ZC3HC1: variants seen among roughly 807,000 people sequenced by gnomAD.
ZC3HC1 encodes the protein zinc finger C3HC-type protein 1.
In ZC3HC1, 38 loss-of-function variants were observed where a neutral mutation model predicts 61.9. The observed-to-expected ratio is 0.61, with a 90% CI of 0.47 to 0.81. ZC3HC1 has a LOEUF of 0.81. Ranked by LOEUF, ZC3HC1 falls within the 30% of genes least tolerant of loss-of-function variation. ZC3HC1 has a pLI of 0.00. For missense variants in ZC3HC1, 554 were observed against 622.7 expected (o/e 0.89, Z 1.17); for synonymous variants, 213 against 229.9 (o/e 0.93, Z 0.67).
intron 4 of ZC3HC1, 25 bp from the exon 5 acceptor site, chr7:130,029,054 T>C: frequency 1.9e-6 from 3 of 1,605,350 alleles, no homozygotes; most frequent in Non-Finnish European, 2.6e-6. Context: ...AATTGGAAGA[T>C]TATATTGGTG....
chr7:130,028,440 G>A (rs1261446612), intron 5 of ZC3HC1, among the ~76,000 whole-genome samples: 4 of 152,058 alleles, frequency 2.6e-5, no homozygotes, highest in African/African-American at 9.7e-5. Context: ...TACTCAGGAG[G>A]CTGAGGCAGG....
chr7:130,031,606 G>A (rs1794197985), intron 4 of ZC3HC1, among the ~76,000 whole-genome samples: 1 of 152,130 alleles, frequency 6.6e-6, no homozygotes, highest in Non-Finnish European at 1.5e-5. Context: ...GTAACAAGCT[G>A]ACCAAAAACC....
At chr7:130,018,766 G>T (rs201109266) in intron 9 of ZC3HC1, 34 bp from the exon 10 acceptor site, 2 of 1,562,754 alleles carry the variant, frequency 1.3e-6, no homozygotes, top group African/African-American at 2.7e-5. Flanking sequence ...TAGTGATTAC[G>T]TTCTTTTATA....
At chr7:130,020,949 A>G (rs1039580043) in intron 9 of ZC3HC1, among the ~76,000 whole-genome samples, 1 of 151,918 alleles carries the variant, frequency 6.6e-6, no homozygotes, top group Non-Finnish European at 1.5e-5. Flanking sequence ...TCTGAAGCCC[A>G]GGCTGGAGCG....
At chr7:130,036,234 A>G (rs557866962) in intron 4 of ZC3HC1, among the ~76,000 whole-genome samples, 1 of 152,104 alleles carries the variant, frequency 6.6e-6, no homozygotes, top group South Asian at 2.1e-4. Context: ...AAGTCAAGGT[A>G]AGGCTGGGAG....
At chr7:130,033,445 CTTTTTTTTTTT>C (rs3043729) in intron 4 of ZC3HC1, among the ~76,000 whole-genome samples, 1 of 82,850 alleles carries the variant, frequency 1.2e-5, no homozygotes, top group Non-Finnish European at 2.3e-5. Context: ...CTATAGCATT[CTTTTTTTTTTT>C]TTTTTTTTTT....
chr7:130,028,559 A>T (rs957813275), intron 5 of ZC3HC1, among the ~76,000 whole-genome samples: 33 of 152,178 alleles, frequency 2.2e-4, no homozygotes, highest in Middle Eastern at 3.4e-3. Flanking sequence ...TAATAATAAT[A>T]ATTTAAGTAA....
chr7:130,040,926 A>C, intron 3 of ZC3HC1, 25 bp downstream of exon 3: 1 of 1,588,662 alleles, frequency 6.3e-7, no homozygotes, highest in South Asian at 1.2e-5. Context: ...TGTGGAGAAA[A>C]ATGTAATTTG....
chr7:130,032,519 G>T (rs1322742287), intron 4 of ZC3HC1, among the ~76,000 whole-genome samples: 2 of 151,404 alleles, frequency 1.3e-5, no homozygotes, highest in Non-Finnish European at 2.9e-5. Context: ...GGTGGCATAC[G>T]CCTGTAGTCA....
At chr7:130,048,087 G>T (rs1324086257) in intron 2 of ZC3HC1, among the ~76,000 whole-genome samples, 1 of 150,272 alleles carries the variant, frequency 6.7e-6, no homozygotes, top group Non-Finnish European at 1.5e-5. Flanking sequence ...ACAAGTAAAT[G>T]AATCCTGCCA....
intron 2 of ZC3HC1, among the ~76,000 whole-genome samples, chr7:130,046,773 C>T (rs997386249): frequency 6.6e-6 from 1 of 152,136 alleles, no homozygotes; most frequent in African/African-American, 2.4e-5. Flanking sequence ...CTTACTTTTT[C>T]ATTTGGGTAA....
In ZC3HC1 at chr7:130,033,743, C is replaced by T. The variant is rs530297690; in HGVS notation, c.494-4714G>A. ...TTGGGATTACAGGCGTGAGCCACCACGCCTGGCCTGTCTGTAGCATTCTTG... is the reference window on the plus strand; with the variant it reads ...TTGGGATTACAGGCGTGAGCCACCATGCCTGGCCTGTCTGTAGCATTCTTG... On this transcript the variant is annotated intron_variant, in intron 4 of 9. Transcript: ENST00000358303. Among the ~76,000 whole-genome samples, 378 of 152,052 alleles carry T rather than the reference C, an allele frequency of 2.5e-3. 1 individual carries two copies. Among genetic ancestry groups the T allele is most frequent in the African/African-American group, 8.5e-3 (353 of 41,490 alleles).
At chr7:130,038,785 C>T (rs34706862) in intron 4 of ZC3HC1, among the ~76,000 whole-genome samples, 75,927 of 146,570 alleles carry the variant, frequency 0.52, 22,706 homozygotes, top group East Asian at 0.96. Context: ...GCTTGAACCT[C>T]GGAGGTGGAG....
intron 4 of ZC3HC1, among the ~76,000 whole-genome samples, chr7:130,038,859 CAA>C (rs368582060): frequency 8.1e-5 from 7 of 86,552 alleles, no homozygotes; most frequent in African/African-American, 2.0e-4. Flanking sequence ...GGCTCTGTCT[CAA>C]AAAAAAAAAA....
intron 9 of ZC3HC1, 99 bp from the exon 10 acceptor site, chr7:130,018,831 G>T: frequency 9.3e-7 from 1 of 1,070,016 alleles, no homozygotes; most frequent in Non-Finnish European, 1.4e-6. Flanking sequence ...CTAGGACTAA[G>T]TAAAAATTCA....
chr7:130,042,248 A>C (rs1794707322), intron 2 of ZC3HC1, among the ~76,000 whole-genome samples: 1 of 151,514 alleles, frequency 6.6e-6, no homozygotes, highest in Non-Finnish European at 1.5e-5. Context: ...GGCCACAGTA[A>C]GATACGATCA....
chr7:130,039,556 C>A lies in ZC3HC1; in HGVS notation c.410-9G>T. ...AGCACATCGTTGCTTATCTGAAATC[C>A]ACATAAACAGCAACACCTTAAAAAA... is the stretch of plus-strand genomic sequence containing the variant. On this transcript the variant is annotated splice_polypyrimidine_tract_variant and intron_variant, in intron 3 of 9. Transcript: ENST00000358303. The A allele has an allele frequency of 6.2e-7, 1 of 1,604,634 alleles. No individual in the cohort carries two copies. Among genetic ancestry groups the A allele is most frequent in the Admixed American group, 1.7e-5 (1 of 57,458 alleles).
Position 130,026,322 on chromosome 7 carries a change from A to T in ZC3HC1, c.622-10T>A. On this transcript the variant is annotated splice_polypyrimidine_tract_variant and intron_variant, in intron 5 of 9. Transcript: ENST00000358303. Reference sequence around the variant, plus strand: ...TGTCTTCTGTCAAGCACTACAAGGGAGCCAAGTAAAAAACTTCGTTTCAAC... The same window carrying T: ...TGTCTTCTGTCAAGCACTACAAGGGTGCCAAGTAAAAAACTTCGTTTCAAC... 1 of 1,594,110 alleles carries T rather than the reference A, an allele frequency of 6.3e-7. No individual in the cohort carries two copies. Among genetic ancestry groups the T allele is most frequent in the East Asian group, 2.2e-5 (1 of 44,530 alleles).
chr7:130,030,817 C>T (rs996518635), intron 4 of ZC3HC1, among the ~76,000 whole-genome samples: 4 of 151,544 alleles, frequency 2.6e-5, no homozygotes, highest in Admixed American at 2.6e-4. Flanking sequence ...TACAGGCGCC[C>T]GCCACTGCGC....
Sources: gnomAD v4.1 joint callset for allele counts (sites outside exome capture counted in the v4.1 genomes callset) on GRCh38, gnomAD v4.1.1 for gene constraint, MANE v1.5 for transcripts, NCBI Gene and HGNC (gene_info 2026-07-23, HGNC 2026-07-21) for gene names.